TDRD7: variants seen among roughly 807,000 people sequenced by gnomAD.
The protein encoded by TDRD7 is tudor domain-containing protein 7.
Under a neutral mutation model 109.8 loss-of-function variants are expected in TDRD7, and 47 were observed. That is an observed-to-expected ratio of 0.43 (90% confidence interval 0.34 to 0.55). The LOEUF (loss-of-function observed/expected upper bound fraction) is 0.55. TDRD7 is among the 20% of genes least tolerant of loss of function. The probability of loss-of-function intolerance (pLI) is 0.03; values close to 1 mark genes in which losing one functional copy is unlikely to be tolerated. For synonymous variants in TDRD7, 424 were observed against 457.3 expected, an observed-to-expected ratio of 0.93 and a Z score of 0.93; for missense variants, 1,164 against 1,319.2, an observed-to-expected ratio of 0.88 and a Z score of 1.82.
At chr9:97,432,504 A>G (rs1564196509) in intron 4 of TDRD7, among the ~76,000 whole-genome samples, 1 of 152,200 alleles carries the variant, frequency 6.6e-6, no homozygotes, top group Non-Finnish European at 1.5e-5. Context: ...ATACTGTTTC[A>G]GTATAACTTA....
At chr9:97,450,268 A>C (rs1198965211) in intron 6 of TDRD7, among the ~76,000 whole-genome samples, 1 of 152,124 alleles carries the variant, frequency 6.6e-6, no homozygotes. Flanking sequence ...CCAAAGAGAA[A>C]ATTACAGAGC....
At chr9:97,430,792 C>A in intron 2 of TDRD7, 141 bp from the exon 3 acceptor site, 1 of 970,290 alleles carries the variant, frequency 1.0e-6, no homozygotes, top group Non-Finnish European at 1.6e-6. Context: ...CTAGCATTAT[C>A]AAGGAGCGAG....
At chr9:97,461,288 A>G (rs1389530058) in intron 7 of TDRD7, among the ~76,000 whole-genome samples, 1 of 152,150 alleles carries the variant, frequency 6.6e-6, no homozygotes, top group Non-Finnish European at 1.5e-5. Context: ...TATGAACTTG[A>G]AAAAAAGATT....
At chr9:97,452,819 G>T (rs1828522822) in intron 6 of TDRD7, among the ~76,000 whole-genome samples, 1 of 152,194 alleles carries the variant, frequency 6.6e-6, no homozygotes, top group South Asian at 2.1e-4. Context: ...AACTCAAGTG[G>T]ACATAACGTC....
intron 14 of TDRD7, 44 bp downstream of exon 14, chr9:97,480,982 G>A (rs1829106699): frequency 6.5e-7 from 1 of 1,530,574 alleles, no homozygotes; most frequent in African/African-American, 1.4e-5. Context: ...AAGGGAGCTG[G>A]CAGCTGTCAG....
chr9:97,453,429 A>G (rs1430267943), intron 6 of TDRD7, among the ~76,000 whole-genome samples: 1 of 152,166 alleles, frequency 6.6e-6, no homozygotes, highest in Non-Finnish European at 1.5e-5. Flanking sequence ...TCCCATTGAA[A>G]AAAACCATAA....
intron 6 of TDRD7, 133 bp from the exon 7 acceptor site, chr9:97,460,045 A>C (rs1828682247): frequency 1.3e-6 from 1 of 774,698 alleles, no homozygotes; most frequent in African/African-American, 1.7e-5. Context: ...AGTCCTAGCA[A>C]TTGAAAAGAG....
chr9:97,448,272 G>A (rs1331148682), intron 6 of TDRD7, among the ~76,000 whole-genome samples: 2 of 152,218 alleles, frequency 1.3e-5, no homozygotes, highest in Non-Finnish European at 2.9e-5. Context: ...TAGGTGATAT[G>A]GAACGGTGGA....
intron 6 of TDRD7, among the ~76,000 whole-genome samples, chr9:97,442,369 T>C (rs1440051878): frequency 6.6e-6 from 1 of 152,124 alleles, no homozygotes; most frequent in East Asian, 1.9e-4. Context: ...TATATTATAA[T>C]TTTTACAAGC....
chr9:97,489,543 TA>T (rs758996350), intron 16 of TDRD7, among the ~76,000 whole-genome samples: 5 of 152,248 alleles, frequency 3.3e-5, no homozygotes, highest in Non-Finnish European at 5.9e-5. Context: ...TCTTTATATT[TA>T]AAGTGGTCTT....
At chr9:97,450,191 G>A (rs1231473658) in intron 6 of TDRD7, among the ~76,000 whole-genome samples, 5 of 152,166 alleles carry the variant, frequency 3.3e-5, no homozygotes, top group East Asian at 1.9e-4. Flanking sequence ...CACATGGTAC[G>A]TGAAGTTACA....
intron 4 of TDRD7, among the ~76,000 whole-genome samples, chr9:97,434,147 G>A (rs560396782): frequency 2.6e-5 from 4 of 152,248 alleles, no homozygotes; most frequent in South Asian, 2.1e-4. Context: ...AAGAATATGC[G>A]TTGTATCTAC....
At chr9:97,478,294 A>G in intron 12 of TDRD7, 145 bp from the exon 13 acceptor site, 1 of 658,252 alleles carries the variant, frequency 1.5e-6, no homozygotes, top group Non-Finnish European at 2.4e-6. Flanking sequence ...TAGTAAATAA[A>G]TACATTTTAA....
intron 2 of TDRD7, among the ~76,000 whole-genome samples, chr9:97,429,510 G>A (rs1327609387): frequency 6.6e-6 from 1 of 152,196 alleles, no homozygotes; most frequent in Admixed American, 6.5e-5. Flanking sequence ...TCTATATGGG[G>A]GGATGAGGAG....
intron 15 of TDRD7, among the ~76,000 whole-genome samples, chr9:97,483,621 T>C (rs1829161164): frequency 6.6e-6 from 1 of 152,036 alleles, no homozygotes. Context: ...AATATTTTTA[T>C]TCAGAAAATA....
At chr9:97,467,239 G>A (rs1188055599) in intron 8 of TDRD7, among the ~76,000 whole-genome samples, 1 of 152,172 alleles carries the variant, frequency 6.6e-6, no homozygotes, top group African/African-American at 2.4e-5. Context: ...AGAATCATAC[G>A]TAAATCCTAA....
chr9:97,467,772 T>C (rs566172049), intron 8 of TDRD7, among the ~76,000 whole-genome samples: 1 of 152,308 alleles, frequency 6.6e-6, no homozygotes, highest in South Asian at 2.1e-4. Context: ...GATTGTATTA[T>C]AGTAGGGCAC....
intron 7 of TDRD7, among the ~76,000 whole-genome samples, chr9:97,462,784 C>T (rs1336715491): frequency 1.3e-5 from 2 of 152,230 alleles, no homozygotes; most frequent in Non-Finnish European, 2.9e-5. Flanking sequence ...GTGCCTCATC[C>T]AACACCGTCC....
intron 9 of TDRD7, among the ~76,000 whole-genome samples, chr9:97,471,123 T>G (rs1024100070): frequency 5.9e-5 from 9 of 152,164 alleles, no homozygotes; most frequent in South Asian, 2.1e-4. Flanking sequence ...ATGCAGTTTT[T>G]GGCATAGTAG....
Sources: gnomAD v4.1 joint callset for allele counts (sites outside exome capture counted in the v4.1 genomes callset) on GRCh38, gnomAD v4.1.1 for gene constraint, MANE v1.5 for transcripts, NCBI Gene and HGNC (gene_info 2026-07-23, HGNC 2026-07-21) for gene names.